TENM3: variants seen among roughly 807,000 people sequenced by gnomAD.
The protein encoded by TENM3 is teneurin transmembrane protein 3.
A neutral mutation model predicts 255.1 loss-of-function variants in TENM3; 63 were observed. The observed-to-expected ratio is 0.25, with a 90% CI of 0.20 to 0.30. The LOEUF (loss-of-function observed/expected upper bound fraction) is 0.30. Among genes scored for constraint, TENM3 ranks in the 10% least tolerant of loss-of-function variants. The pLI is 1.00. For missense variants in TENM3, 2,929 were observed against 3,461.1 expected, an observed-to-expected ratio of 0.85 and a Z score of 3.86; for synonymous variants, 1,306 against 1,322.3, an observed-to-expected ratio of 0.99 and a Z score of 0.27.
At chr4:181,581,334 G>C in the TENM3 span, among the ~76,000 whole-genome samples, 2 of 152,006 alleles carry the variant, frequency 1.3e-5, no homozygotes, top group Non-Finnish European at 2.9e-5. Context: ...CCAGCTACTC[G>C]GGAGGCTGAG....
the TENM3 span, among the ~76,000 whole-genome samples, chr4:181,493,032 AT>A: frequency 6.6e-6 from 1 of 151,990 alleles, no homozygotes; most frequent in South Asian, 2.1e-4. Flanking sequence ...AAAAAAAAAA[AT>A]TTGGAATGAA....
chr4:181,618,176 G>A, the TENM3 span, among the ~76,000 whole-genome samples: 1 of 152,164 alleles, frequency 6.6e-6, no homozygotes, highest in African/African-American at 2.4e-5. Context: ...ACAGACCATG[G>A]CCCTTATGAG....
chr4:181,837,924 G>A, the TENM3 span, among the ~76,000 whole-genome samples: 1 of 152,242 alleles, frequency 6.6e-6, no homozygotes, highest in Admixed American at 6.5e-5. Context: ...CAGATCACGA[G>A]GTCAAGAGTT....
chr4:181,944,076 T>C, the TENM3 span, among the ~76,000 whole-genome samples: 1 of 152,156 alleles, frequency 6.6e-6, no homozygotes, highest in Non-Finnish European at 1.5e-5. Context: ...GGAGCAGGTA[T>C]TAGTCAGGAT....
chr4:182,137,221 G>T, the TENM3 span, among the ~76,000 whole-genome samples: 1 of 152,050 alleles, frequency 6.6e-6, no homozygotes, highest in Non-Finnish European at 1.5e-5. Flanking sequence ...ACTTTTAAAT[G>T]GACCCCTTCT....
At chr4:181,727,262 G>A in the TENM3 span, among the ~76,000 whole-genome samples, 2 of 152,088 alleles carry the variant, frequency 1.3e-5, no homozygotes, top group Admixed American at 6.6e-5. Context: ...GCCATCTTGT[G>A]GTATCTAAGA....
At chr4:181,703,783 A>C in the TENM3 span, among the ~76,000 whole-genome samples, 1 of 141,410 alleles carries the variant, frequency 7.1e-6, no homozygotes. Flanking sequence ...TAATGGATGG[A>C]AGTTCTTTGG....
chr4:182,369,317 C>G (rs965851951), intron 3 of TENM3, among the ~76,000 whole-genome samples: 2 of 152,148 alleles, frequency 1.3e-5, no homozygotes, highest in African/African-American at 4.8e-5. Context: ...TAGAAAGAAT[C>G]TAAATACCCT....
chr4:182,369,663 C>T (rs1766664367), intron 3 of TENM3, among the ~76,000 whole-genome samples: 1 of 152,090 alleles, frequency 6.6e-6, no homozygotes, highest in African/African-American at 2.4e-5. Context: ...GGCCGATCAC[C>T]TGAGGTCAGG....
At chr4:181,467,125 A>ATATATTTTTTTTTTTTTTTTT in the TENM3 span, among the ~76,000 whole-genome samples, 1 of 17,622 alleles carries the variant, frequency 5.7e-5, no homozygotes, top group Non-Finnish European at 1.1e-4. Flanking sequence ...ATATATATAT[A>ATATATTTTTTTTTTTTTTTTT]TTTTTTTTTT....
At chr4:182,670,931 C>G (rs1201229201) in intron 6 of TENM3, among the ~76,000 whole-genome samples, 1 of 152,198 alleles carries the variant, frequency 6.6e-6, no homozygotes. Context: ...TGCACAGTAA[C>G]AGAATACTAG....
chr4:182,405,791 A>G (rs1052160992), intron 3 of TENM3, among the ~76,000 whole-genome samples: 2 of 152,180 alleles, frequency 1.3e-5, no homozygotes, highest in African/African-American at 4.8e-5. Flanking sequence ...GAAAGAATGA[A>G]GGGAAGGCAT....
At chr4:181,671,332 G>T in the TENM3 span, among the ~76,000 whole-genome samples, 70 of 152,102 alleles carry the variant, frequency 4.6e-4, no homozygotes, top group Non-Finnish European at 6.0e-4. Context: ...TCCTACAGGA[G>T]TAAATATCTG....
the TENM3 span, among the ~76,000 whole-genome samples, chr4:181,605,550 GA>G: frequency 7.0e-5 from 2 of 28,528 alleles, 1 homozygote; most frequent in Non-Finnish European, 1.8e-4. Context: ...AAGAAAGAAA[GA>G]AAGAAAGAAA....
At chr4:181,628,696 T>G in the TENM3 span, among the ~76,000 whole-genome samples, 9 of 152,300 alleles carry the variant, frequency 5.9e-5, no homozygotes, top group African/African-American at 1.9e-4. Flanking sequence ...GGTCTATATC[T>G]CTGTTTTGGT....
chr4:181,820,629 A>G, the TENM3 span, among the ~76,000 whole-genome samples: 3 of 152,188 alleles, frequency 2.0e-5, no homozygotes, highest in African/African-American at 7.2e-5. Flanking sequence ...CAAGGAAAAC[A>G]TGCAATCCCA....
intron 1 of TENM3, among the ~76,000 whole-genome samples, chr4:182,270,840 A>G (rs2150215254): frequency 6.6e-6 from 1 of 152,322 alleles, no homozygotes; most frequent in African/African-American, 2.4e-5. Flanking sequence ...TAATATTCTT[A>G]GAGCTCACTT....
chr4:181,746,658 A>G, the TENM3 span, among the ~76,000 whole-genome samples: 1 of 152,012 alleles, frequency 6.6e-6, no homozygotes, highest in African/African-American at 2.4e-5. Context: ...CTGCTTACTT[A>G]GGTACCACTT....
the TENM3 span, among the ~76,000 whole-genome samples, chr4:182,051,532 C>T: frequency 4.6e-5 from 7 of 151,814 alleles, no homozygotes; most frequent in Admixed American, 1.3e-4. Flanking sequence ...CGCCTGCCAC[C>T]GCGCTCGGCT....
Sources: gnomAD v4.1 joint callset for allele counts (sites outside exome capture counted in the v4.1 genomes callset) on GRCh38, gnomAD v4.1.1 for gene constraint, MANE v1.5 for transcripts, NCBI Gene and HGNC (gene_info 2026-07-23, HGNC 2026-07-21) for gene names.